Variants in FRRS1L observed in about 807,000 individuals in gnomAD.
FRRS1L encodes the protein ferric chelate reductase 1 like.
FRRS1L carries 22 observed loss-of-function variants against 28.6 expected under a neutral mutation model. The observed-to-expected ratio is 0.77, with a 90% CI of 0.55 to 1.10. The LOEUF is 1.10. FRRS1L is among the 50% of genes least tolerant of loss of function. The pLI is 0.00. For missense variants in FRRS1L, 380 were observed against 386.9 expected (o/e 0.98, Z 0.15); for synonymous variants, 158 against 151.4 (o/e 1.04, Z -0.32).
chr9:109,136,712 G>C lies in FRRS1L; in HGVS notation c.*743C>G, dbSNP rs1012289946. ...ATTTTTGTACTTTTTAATAGAGACG[G>C]GGGTTTCACCACATTGGCCAGGCTG... On this transcript the variant is annotated 3_prime_UTR_variant, in exon 5 of 5. Coordinates refer to ENST00000561981, the MANE Select transcript of FRRS1L (RefSeq NM_014334.4). The C allele has an allele frequency of 6.6e-6, 1 of 152,064 alleles. No individual in the cohort carries two copies. Among genetic ancestry groups the C allele is most frequent in the Non-Finnish European group, 1.5e-5 (1 of 68,058 alleles). The allele number at this position is 152,064 out of a possible 1,614,324, so 9.4% of individuals were successfully genotyped here.
Position 109,137,291 on chromosome 9 carries a change from CTTT to C in FRRS1L, c.*161_*163del. ...TATAGGGTCATTATTAAACAATCTT[CTTT>C]GACTACAAAAGAAGCTTGTTCTTTC... On this transcript the variant is annotated 3_prime_UTR_variant, in exon 5 of 5. Transcript: ENST00000561981. 2.3e-6 allele frequency: 1 copy of C among 429,894 alleles called. No homozygotes were observed. The highest frequency in any genetic ancestry group is 2.0e-5 in the African/African-American group (1 of 50,300). The allele number at this position is 429,894 out of a possible 1,614,324, so 26.6% of individuals were successfully genotyped here. A position where few individuals can be genotyped will look rare whatever the true frequency, so the allele number is the denominator to read the frequency against.
rs1231217197 is a variant in FRRS1L, at chr9:109,135,447, T to C, written c.*2008A>G. 2 of 152,174 alleles carry C rather than the reference T, an allele frequency of 1.3e-5. No homozygotes were observed. The highest frequency in any genetic ancestry group is 2.4e-5 in the African/African-American group (1 of 41,442). The allele number at this position is 152,174 out of a possible 1,614,324, so 9.4% of individuals were successfully genotyped here. ...CCTGTCTAGTTTATAAGTCTGAACATTTTATTTTACTTATTTTTTTGAGAC... is the reference window on the plus strand; with the variant it reads ...CCTGTCTAGTTTATAAGTCTGAACACTTTATTTTACTTATTTTTTTGAGAC... On this transcript the variant is annotated 3_prime_UTR_variant, in exon 5 of 5. Coordinates refer to ENST00000561981, the MANE Select transcript of FRRS1L (RefSeq NM_014334.4).
Position 109,131,530 on chromosome 9 carries a change from AC to A in FRRS1L, c.*5924del, listed in dbSNP as rs541674043. ...TATAAACACACACCATCATGTATGT[AC>A]AAATATACACATGCTCCTCAAGTTA... On this transcript the variant is annotated 3_prime_UTR_variant, in exon 5 of 5. Transcript: ENST00000561981. 30 of 152,250 alleles carry A rather than the reference AC, an allele frequency of 2.0e-4. No homozygotes were observed. Among genetic ancestry groups the A allele is most frequent in the Non-Finnish European group, 3.4e-4 (23 of 68,038 alleles). The allele number at this position is 152,250 out of a possible 1,614,324, so 9.4% of individuals were successfully genotyped here.
chr9:109,157,220 T>C (rs1475687842), intron 1 of FRRS1L, among the ~76,000 whole-genome samples: 1 of 152,202 alleles, frequency 6.6e-6, no homozygotes, highest in African/African-American at 2.4e-5. Flanking sequence ...TCAGAAGACA[T>C]CTGTATGAGG....
intron 1 of FRRS1L, chr9:109,152,079 C>T (rs1212671403): frequency 1.3e-5 from 2 of 152,228 alleles, no homozygotes; most frequent in Admixed American, 1.3e-4. Context: ...TTCCTGGCAT[C>T]TAGAATAATA....
chr9:109,148,753 G>A (rs945345440), intron 2 of FRRS1L, among the ~76,000 whole-genome samples: 9 of 152,134 alleles, frequency 5.9e-5, no homozygotes. Context: ...AAGAAAACAA[G>A]TCACTTTGAA....
intron 2 of FRRS1L, among the ~76,000 whole-genome samples, chr9:109,149,261 T>G (rs999730): frequency 0.12 from 18,403 of 152,200 alleles, 1,346 homozygotes; most frequent in East Asian, 0.25. Context: ...GACTATTTAC[T>G]AAAAAAGGAA....
rs145911329 is a variant in FRRS1L, at chr9:109,134,712, G to T, written c.*2743C>A. On this transcript the variant is annotated 3_prime_UTR_variant, in exon 5 of 5. Coordinates refer to ENST00000561981, the MANE Select transcript of FRRS1L (RefSeq NM_014334.4). ...AATTAGCTTGATTAGAAATGTAAGCGGAAGGAAGCTGCATTCACTTCTTCC... is the reference window on the plus strand; with the variant it reads ...AATTAGCTTGATTAGAAATGTAAGCTGAAGGAAGCTGCATTCACTTCTTCC... The T allele has an allele frequency of 1.3e-5, 2 of 152,130 alleles. No individual in the cohort carries two copies. The highest frequency in any genetic ancestry group is 1.3e-4 in the Admixed American group (2 of 15,262). 9.4% of individuals were successfully genotyped at this position (152,130 alleles called of 1,614,324 possible).
intron 1 of FRRS1L, among the ~76,000 whole-genome samples, chr9:109,161,052 C>T (rs921077037): frequency 1.3e-5 from 2 of 151,786 alleles, no homozygotes; most frequent in Non-Finnish European, 2.9e-5. Flanking sequence ...GGCTTCCCAA[C>T]GTGCTGGGAT....
chr9:109,166,998 C>T lies in FRRS1L; in HGVS notation c.141G>A (p.Arg47=). The change falls in exon 1 of 5, where the codon CGG becomes CGA. Residue 47 remains arginine, a synonymous_variant. Transcript: ENST00000561981. ...PGGRGPRGRA[R]GDTGADEAVP... is the part of the protein sequence containing the mutation. ...CCGCCTCGTCGGCGCCCGTGTCCCC[C>T]CGCGCGCGTCCCCGGGGTCCCCGGC... 1 of 1,257,384 alleles carries T rather than the reference C, an allele frequency of 8.0e-7. No homozygotes were observed. The highest frequency in any genetic ancestry group is 1.0e-6 in the Non-Finnish European group (1 of 1,000,102). 77.9% of individuals were successfully genotyped at this position (1,257,384 alleles called of 1,614,324 possible). A position where few individuals can be genotyped will look rare whatever the true frequency, so the allele number is the denominator to read the frequency against.
intron 1 of FRRS1L, 153 bp from the exon 2 acceptor site, chr9:109,149,873 A>C: frequency 1.6e-6 from 1 of 624,590 alleles, no homozygotes; most frequent in Non-Finnish European, 2.9e-6. Flanking sequence ...CATCCCCTTC[A>C]TGGGGGAGGG....
chr9:109,148,004 TG>T (rs1347226891), intron 2 of FRRS1L: 1 of 151,956 alleles, frequency 6.6e-6, no homozygotes, highest in Admixed American at 6.6e-5. Context: ...AGTCTCACTC[TG>T]TTGCCCAGGC....
At chr9:109,163,318 C>A (rs1831502478) in intron 1 of FRRS1L, among the ~76,000 whole-genome samples, 1 of 152,110 alleles carries the variant, frequency 6.6e-6, no homozygotes, top group African/African-American at 2.4e-5. Context: ...CCATAGACAG[C>A]AAAGAGGGTC....
At chr9:109,154,744 A>G (rs1288150726) in intron 1 of FRRS1L, among the ~76,000 whole-genome samples, 1 of 152,198 alleles carries the variant, frequency 6.6e-6, no homozygotes, top group Non-Finnish European at 1.5e-5. Context: ...ACCTTCTCCC[A>G]AGGATGGAAG....
rs935155038 is a variant in FRRS1L, at chr9:109,141,545, C to T, written c.507G>A (p.Arg169=). ...CATTATAGAAGTGCTGTATGCGGAC[C>T]CTGCCATTGTCATCATGGACGCAGG... ...VMACVHDDNG[R]VRIQHFYNVG... The change falls in exon 4 of 5, where the codon AGG becomes AGA. Residue 169 remains arginine, a synonymous_variant. Coordinates refer to ENST00000561981, the MANE Select transcript of FRRS1L (RefSeq NM_014334.4). 6.2e-7 allele frequency: 1 copy of T among 1,614,020 alleles called. No homozygotes were observed. Among genetic ancestry groups the T allele is most frequent in the Non-Finnish European group, 8.5e-7 (1 of 1,179,934 alleles).
chr9:109,132,137 C>A lies in FRRS1L; in HGVS notation c.*5318G>T, dbSNP rs951047701. The A allele has an allele frequency of 1.3e-5, 2 of 152,054 alleles. No individual in the cohort carries two copies. The highest frequency in any genetic ancestry group is 2.4e-5 in the African/African-American group (1 of 41,338). 9.4% of individuals were successfully genotyped at this position (152,054 alleles called of 1,614,324 possible). A position where few individuals can be genotyped will look rare whatever the true frequency, so the allele number is the denominator to read the frequency against. On this transcript the variant is annotated 3_prime_UTR_variant, in exon 5 of 5. Transcript: ENST00000561981. Reference sequence around the variant, plus strand: ...TACAGGCTCCCGCCACCACGCCCAGCTAATTTTTTTTGTATTTTTAGTAGA... The same window carrying A: ...TACAGGCTCCCGCCACCACGCCCAGATAATTTTTTTTGTATTTTTAGTAGA...
Position 109,131,885 on chromosome 9 carries a change from T to C in FRRS1L, c.*5570A>G, listed in dbSNP as rs1831060884. 1.3e-5 allele frequency: 2 copies of C among 152,250 alleles called. No individual in the cohort carries two copies. The highest frequency in any genetic ancestry group is 2.9e-5 in the Non-Finnish European group (2 of 68,050). The allele number at this position is 152,250 out of a possible 1,614,324, so 9.4% of individuals were successfully genotyped here. A position where few individuals can be genotyped will look rare whatever the true frequency, so the allele number is the denominator to read the frequency against. On this transcript the variant is annotated 3_prime_UTR_variant, in exon 5 of 5. Transcript: ENST00000561981. ...GTGGTTCTCAAACATTTTTCCATTA[T>C]GGTACATAAGGTAGATGCCACATCA... is the stretch of plus-strand genomic sequence containing the variant.
chr9:109,165,009 C>T (rs1242577715), intron 1 of FRRS1L, among the ~76,000 whole-genome samples: 4 of 152,204 alleles, frequency 2.6e-5, no homozygotes, highest in Non-Finnish European at 4.4e-5. Flanking sequence ...ACTCAAAGGA[C>T]GTACAGAATC....
At chr9:109,143,970 C>G (rs1831221852) in intron 3 of FRRS1L, among the ~76,000 whole-genome samples, 1 of 151,970 alleles carries the variant, frequency 6.6e-6, no homozygotes, top group Non-Finnish European at 1.5e-5. Context: ...ACAGTAGATA[C>G]TTTATAGGCC....
Sources: gnomAD v4.1 joint callset for allele counts (sites outside exome capture counted in the v4.1 genomes callset) on GRCh38, gnomAD v4.1.1 for gene constraint, MANE v1.5 for transcripts, NCBI Gene and HGNC (gene_info 2026-07-23, HGNC 2026-07-21) for gene names.